Variants in SUN5 observed in about 807,000 individuals in gnomAD.
The protein encoded by SUN5 is Sad1 and UNC84 domain containing 5.
A neutral mutation model predicts 53.7 loss-of-function variants in SUN5; 44 were observed. The ratio of observed to expected loss-of-function variants is 0.82; its 90% CI spans 0.64 to 1.05. SUN5 has a LOEUF of 1.05. SUN5 is among the 50% of genes least tolerant of loss of function. The pLI is 0.00. For synonymous variants in SUN5, 166 were observed against 179.8 expected (o/e 0.92, Z 0.62); for missense variants, 433 against 483.8 (o/e 0.90, Z 0.98).
At chr20:33,002,486 C>T (rs2146341875) in intron 3 of SUN5, 101 bp downstream of exon 3, 1 of 1,132,312 alleles carries the variant, frequency 8.8e-7, no homozygotes, top group South Asian at 1.3e-5. Flanking sequence ...CCCCTGCAGT[C>T]CAGGGCAGGC....
intron 5 of SUN5, among the ~76,000 whole-genome samples, chr20:32,998,285 G>A (rs1005563144): frequency 1.3e-5 from 2 of 151,670 alleles, no homozygotes; most frequent in South Asian, 2.1e-4. Flanking sequence ...CCAGGAAGTC[G>A]AGGCTGCAGT....
chr20:32,997,602 T>A, intron 6 of SUN5, 36 bp downstream of exon 6: 1 of 1,612,174 alleles, frequency 6.2e-7, no homozygotes, highest in Non-Finnish European at 8.5e-7. Context: ...GGGTGAGACC[T>A]GTCAGCTGTG....
Position 32,983,899 on chromosome 20 carries a change from G to A in SUN5, c.1035C>T (p.Asn345=), listed in dbSNP as rs140018693. The A allele has an allele frequency of 1.3e-6, 2 of 1,599,308 alleles. No homozygotes were observed. The highest frequency in any genetic ancestry group is 2.7e-5 in the African/African-American group (2 of 74,598). ...FSAVKVKISS[N]WGNPGFTCLY... ...GGCAAGTGAAGCCTGGGTTCCCCCA[G>A]TTGCTTGAGATCTTCACCTTGACCG... Residue 345 remains asparagine (N), a synonymous_variant, in exon 13 of 13, where the codon AAC becomes AAT. Coordinates refer to ENST00000356173, the MANE Select transcript of SUN5 (RefSeq NM_080675.4).
Position 32,997,553 on chromosome 20 carries a change from G to T in SUN5, c.390+85C>A. 2.7e-6 allele frequency: 4 copies of T among 1,493,260 alleles called. No individual in the cohort carries two copies. The Admixed American group carries it at 7.4e-5, about 28-fold the overall frequency. The allele number at this position is 1,493,260 out of a possible 1,614,324, so 92.5% of individuals were successfully genotyped here. On this transcript the variant is annotated intron_variant, in intron 6 of 12. Coordinates refer to ENST00000356173, the MANE Select transcript of SUN5 (RefSeq NM_080675.4). The stretch of plus-strand genomic sequence containing the variant: ...GAACTGATGAGGGGCCCCATTTGGT[G>T]AGAATGAATGGAGCTGTGGAGGTGA...
chr20:33,004,022 C>T (rs1247862294), intron 1 of SUN5, among the ~76,000 whole-genome samples: 2 of 152,198 alleles, frequency 1.3e-5, no homozygotes, highest in East Asian at 3.8e-4. Context: ...CACCGTGTTC[C>T]CCGTCCTCTG....
rs566839209 is a variant in SUN5 at position 33,001,147 on chromosome 20, C to T, written c.278+65G>A. On this transcript the variant is annotated intron_variant, in intron 4 of 12. Coordinates refer to ENST00000356173, the MANE Select transcript of SUN5 (RefSeq NM_080675.4). ...GGGGAGATCCAAACTGATGGAGGGG[C>T]TGTTATGGTCCCCAGCTGCCATTTC... 9.5e-5 allele frequency: 144 copies of T among 1,516,604 alleles called. 3 individuals are homozygous for T. In the South Asian group the frequency reaches 1.5e-3, roughly 16 times the overall value. 93.9% of individuals were successfully genotyped at this position (1,516,604 alleles called of 1,614,324 possible).
chr20:32,997,495 T>C, intron 6 of SUN5, 143 bp downstream of exon 6: 1 of 778,176 alleles, frequency 1.3e-6, no homozygotes, highest in Non-Finnish European at 2.1e-6. Flanking sequence ...GATGGTACGA[T>C]GAAGGGTGAG....
chr20:32,988,214 C>T (rs1430879993), intron 9 of SUN5, among the ~76,000 whole-genome samples: 4 of 152,288 alleles, frequency 2.6e-5, no homozygotes, highest in East Asian at 1.9e-4. Flanking sequence ...CTTGTGATGA[C>T]GACCGACACC....
intron 5 of SUN5, among the ~76,000 whole-genome samples, chr20:32,998,021 G>A (rs1326567591): frequency 1.3e-5 from 2 of 151,966 alleles, no homozygotes; most frequent in African/African-American, 4.8e-5. Context: ...CATGCTGGCT[G>A]AAAAGCCACC....
At chr20:32,996,760 C>A (rs1359847300) in intron 6 of SUN5, among the ~76,000 whole-genome samples, 1 of 152,094 alleles carries the variant, frequency 6.6e-6, no homozygotes, top group African/African-American at 2.4e-5. Context: ...TGCATCCACC[C>A]ATCATTTCAT....
chr20:32,997,729 AGAT>A, intron 5 of SUN5, 42 bp from the exon 6 acceptor site: 1 of 1,611,074 alleles, frequency 6.2e-7, no homozygotes, highest in Non-Finnish European at 8.5e-7. Context: ...TTAACATGCA[AGAT>A]GAAGAGCCTA....
intron 9 of SUN5, among the ~76,000 whole-genome samples, chr20:32,989,189 T>G (rs1989636556): frequency 6.6e-6 from 1 of 152,326 alleles, no homozygotes; most frequent in South Asian, 2.1e-4. Context: ...CCTCCCAAAG[T>G]GCTGGGATTA....
chr20:33,001,358 G>T, intron 3 of SUN5, 80 bp from the exon 4 acceptor site: 1 of 1,487,602 alleles, frequency 6.7e-7, no homozygotes, highest in South Asian at 1.2e-5. Flanking sequence ...CCTTTCTGGG[G>T]CTGGGGGAGG....
Position 32,985,870 on chromosome 20 carries a change from C to T in SUN5, c.763G>A (p.Glu255Lys). ...NVTPGNCWAF[E>K]GDRGQVTIQL... Reference sequence around the variant, plus strand: ...ATGGTCACCTGGCCGCGGTCACCCTCAAAGGCCCAGCAATTGCCAGGTGTC... The same window carrying T: ...ATGGTCACCTGGCCGCGGTCACCCTTAAAGGCCCAGCAATTGCCAGGTGTC... The change falls in exon 11 of 13, where the codon GAG (glutamate) becomes AAG (lysine). Residue 255 changes from glutamate (E) to lysine (K), a missense_variant. By Grantham distance (56) the Glu-to-Lys change is moderately conservative. Coordinates refer to ENST00000356173, the MANE Select transcript of SUN5 (RefSeq NM_080675.4). 6.2e-7 allele frequency: 1 copy of T among 1,614,054 alleles called. No individual in the cohort carries two copies. The highest frequency in any genetic ancestry group is 8.5e-7 in the Non-Finnish European group (1 of 1,179,946).
chr20:32,985,147 C>A lies in SUN5; in HGVS notation c.936G>T (p.Gly312=), dbSNP rs201338964. ...TGTTTTCTGGCTGAAACTGAAATGC[C>A]CCCAGGAACACCTCCTCCTTGGGGG... The part of the protein sequence containing the change: ...EGSPKEEVFL[G]AFQFQPENII... The change falls in exon 12 of 13, where the codon GGG becomes GGT. Residue 312 remains glycine (G), a synonymous_variant. Transcript: ENST00000356173. 2.2e-4 allele frequency: 352 copies of A among 1,614,006 alleles called. No individual in the cohort carries two copies. Among genetic ancestry groups the A allele is most frequent in the Non-Finnish European group, 2.8e-4 (331 of 1,179,962 alleles).
Position 33,004,370 on chromosome 20 carries a change from G to T in SUN5, c.-30C>A, listed in dbSNP as rs1409553324. 1 of 1,535,720 alleles carries T rather than the reference G, an allele frequency of 6.5e-7. No individual in the cohort carries two copies. On this transcript the variant is annotated 5_prime_UTR_variant, in exon 1 of 13. Transcript: ENST00000356173. ...TTCCTTCTTTAGGATTGGGGATGGA[G>T]ATGGGAACTCTGGGAGCTGGTGAGG...
At chr20:32,985,215 C>T in intron 11 of SUN5, 30 bp from the exon 12 acceptor site, 2 of 1,605,020 alleles carry the variant, frequency 1.2e-6, no homozygotes, top group Non-Finnish European at 1.7e-6. Flanking sequence ...GTGAAGGCGT[C>T]AGATACAAGC....
chr20:32,998,576 C>T (rs1026251900), intron 5 of SUN5, among the ~76,000 whole-genome samples: 13 of 152,174 alleles, frequency 8.5e-5, no homozygotes, highest in African/African-American at 2.7e-4. Flanking sequence ...ATGATAAAGA[C>T]CATCCATGAA....
chr20:32,999,060 G>A (rs911470402), intron 5 of SUN5, among the ~76,000 whole-genome samples: 6 of 151,924 alleles, frequency 3.9e-5, no homozygotes, highest in South Asian at 2.1e-4. Flanking sequence ...AGTAAAGGTC[G>A]TCCAGATTAT....
Sources: allele counts gnomAD v4.1 joint callset (sites outside exome capture counted in the v4.1 genomes callset), GRCh38; gene constraint gnomAD v4.1.1; transcripts MANE v1.5; gene names NCBI Gene and HGNC (gene_info 2026-07-23, HGNC 2026-07-21).